Variants in MGAT4C observed in about 807,000 individuals in gnomAD.
The protein encoded by MGAT4C is MGAT4 family member C.
MGAT4C carries 19 observed loss-of-function variants against 40.1 expected under a neutral mutation model. That is an observed-to-expected ratio of 0.47 (90% CI 0.33 to 0.70). The LOEUF (loss-of-function observed/expected upper bound fraction) is 0.70, where lower values mean the gene tolerates loss of function less well. Among genes scored for constraint, MGAT4C ranks in the 30% least tolerant of loss-of-function variants. The pLI, the probability that MGAT4C is intolerant of heterozygous loss-of-function variation, is 0.02. For missense variants in MGAT4C, 491 were observed against 563.2 expected, an observed-to-expected ratio of 0.87 and a Z score of 1.30; for synonymous variants, 181 against 187.1, an observed-to-expected ratio of 0.97 and a Z score of 0.27.
intron 2 of MGAT4C, among the ~76,000 whole-genome samples, chr12:86,715,633 A>G (rs951962823): frequency 2.0e-5 from 3 of 152,134 alleles, no homozygotes; most frequent in Non-Finnish European, 2.9e-5. Flanking sequence ...AGATTTCTAC[A>G]CTTAGGCTCT....
intron 1 of MGAT4C, among the ~76,000 whole-genome samples, chr12:86,766,297 C>A (rs1302074520): frequency 1.3e-5 from 2 of 152,062 alleles, no homozygotes; most frequent in Non-Finnish European, 2.9e-5. Flanking sequence ...GTAAAGGGAT[C>A]AATTCAATAA....
intron 3 of MGAT4C, among the ~76,000 whole-genome samples, chr12:86,392,094 T>C (rs1416338675): frequency 6.6e-6 from 1 of 152,180 alleles, no homozygotes; most frequent in East Asian, 1.9e-4. Context: ...GATTACTGGG[T>C]AAACTTTACA....
At chr12:86,111,533 G>A (rs945991580) in intron 1 of MGAT4C, among the ~76,000 whole-genome samples, 1 of 151,704 alleles carries the variant, frequency 6.6e-6, no homozygotes, top group African/African-American at 2.4e-5. Flanking sequence ...TTATTTTAGA[G>A]AAAGAGATTT....
At position 86,566,118 on chromosome 12, in the gene MGAT4C, T is replaced by C. The variant is rs11834443; in HGVS notation, c.-228-130853A>G. Among the ~76,000 whole-genome samples, 462 of 152,224 alleles carry C rather than the reference T, an allele frequency of 3.0e-3. 1 individual carries two copies. Among genetic ancestry groups the C allele is most frequent in the African/African-American group, 0.011 (438 of 41,534 alleles). Reference sequence around the variant, plus strand: ...TGTCCTCACCTGAATAGACAGTTACTTCGGATTTGGGTTTGTCTATTGTGA... The same window carrying C: ...TGTCCTCACCTGAATAGACAGTTACCTCGGATTTGGGTTTGTCTATTGTGA... On this transcript the variant is annotated intron_variant, in intron 2 of 7. Transcript: ENST00000548651.
intron 1 of MGAT4C, among the ~76,000 whole-genome samples, chr12:86,059,817 C>T (rs1467191175): frequency 3.3e-5 from 5 of 152,118 alleles, no homozygotes; most frequent in African/African-American, 1.2e-4. Context: ...AGAGCAGCAG[C>T]CCCTAACACA....
Position 85,974,390 on chromosome 12 carries a change from TTCTG to T in MGAT4C, c.*4895_*4898del, listed in dbSNP as rs1883803731. 6.6e-6 allele frequency: 1 copy of T among 150,644 alleles called. No homozygotes were observed. The highest frequency in any genetic ancestry group is 2.4e-5 in the African/African-American group (1 of 41,290). 9.3% of individuals were successfully genotyped at this position (150,644 alleles called of 1,614,324 possible). On this transcript the variant is annotated 3_prime_UTR_variant, in exon 5 of 5. Coordinates refer to ENST00000611864, the MANE Select transcript of MGAT4C (RefSeq NM_001351288.2). Reference sequence around the variant, plus strand: ...AAAATAATGCAAATGGTGCATATCCTTCTGTCTTTCTCTCATACACACAGACACA... The same window carrying T: ...AAAATAATGCAAATGGTGCATATCCTTCTTTCTCTCATACACACAGACACA...
intron 1 of MGAT4C, among the ~76,000 whole-genome samples, chr12:86,229,739 G>A (rs1951238770): frequency 6.6e-6 from 1 of 151,820 alleles, no homozygotes; most frequent in South Asian, 2.1e-4. Context: ...CTTCTGTCAG[G>A]GACAGTTAGG....
intron 2 of MGAT4C, among the ~76,000 whole-genome samples, chr12:86,539,717 C>A (rs149959172): frequency 0.01 from 1,575 of 152,306 alleles, 16 homozygotes; most frequent in East Asian, 0.038. Flanking sequence ...GCCATTCTAA[C>A]TGGTGTGAGA....
intron 2 of MGAT4C, among the ~76,000 whole-genome samples, chr12:86,668,752 G>A (rs1195792121): frequency 2.0e-5 from 3 of 152,220 alleles, no homozygotes; most frequent in African/African-American, 7.2e-5. Context: ...CCTGGAGCAG[G>A]AGAAGAGCTG....
chr12:86,803,514 C>T (rs1445677497), intron 1 of MGAT4C, among the ~76,000 whole-genome samples: 1 of 151,950 alleles, frequency 6.6e-6, no homozygotes, highest in African/African-American at 2.4e-5. Flanking sequence ...CCAACCTACT[C>T]ATCTGACAAA....
intron 2 of MGAT4C, among the ~76,000 whole-genome samples, chr12:86,561,861 G>T (rs559308512): frequency 9.9e-5 from 15 of 152,178 alleles, no homozygotes; most frequent in African/African-American, 3.1e-4. Context: ...TAGTTGCTTT[G>T]GCATTTCTGG....
chr12:86,258,472 T>C (rs1952588375), upstream of MGAT4C, among the ~76,000 whole-genome samples: 1 of 152,208 alleles, frequency 6.6e-6, no homozygotes, highest in Non-Finnish European at 1.5e-5. Flanking sequence ...AATACAGCAA[T>C]ATAAAGATTG....
chr12:86,401,255 T>G (rs899502836), intron 3 of MGAT4C, among the ~76,000 whole-genome samples: 3 of 148,356 alleles, frequency 2.0e-5, no homozygotes, highest in African/African-American at 7.6e-5. Flanking sequence ...AGATAACATA[T>G]ATATATGTGT....
chr12:86,752,307 A>T (rs1951240754), intron 1 of MGAT4C, among the ~76,000 whole-genome samples: 1 of 152,012 alleles, frequency 6.6e-6, no homozygotes, highest in Admixed American at 6.6e-5. Flanking sequence ...TTAGATTAGG[A>T]ATTTTAAACA....
At chr12:86,018,916 T>C (rs1889366578) in intron 2 of MGAT4C, among the ~76,000 whole-genome samples, 1 of 152,044 alleles carries the variant, frequency 6.6e-6, no homozygotes, top group African/African-American at 2.4e-5. Context: ...GAGATGAGGA[T>C]TGGGAAGAGA....
intron 1 of MGAT4C, among the ~76,000 whole-genome samples, chr12:86,070,845 C>T (rs764475979): frequency 2.2e-4 from 34 of 151,936 alleles, no homozygotes; most frequent in Non-Finnish European, 4.4e-4. Flanking sequence ...TTTAAAAAAA[C>T]ATTTGACCAA....
intron 3 of MGAT4C, among the ~76,000 whole-genome samples, chr12:86,409,249 A>C (rs1180083989): frequency 6.6e-6 from 1 of 152,180 alleles, no homozygotes; most frequent in Non-Finnish European, 1.5e-5. Context: ...ATGTTTTAGG[A>C]ATGGTAATAG....
chr12:86,071,260 G>A (rs1868400725), intron 1 of MGAT4C, among the ~76,000 whole-genome samples: 1 of 151,960 alleles, frequency 6.6e-6, no homozygotes, highest in Non-Finnish European at 1.5e-5. Context: ...GAAAGTCAAA[G>A]TTAAAAAGGG....
chr12:86,127,568 T>A (rs1749715562), intron 1 of MGAT4C, among the ~76,000 whole-genome samples: 1 of 152,226 alleles, frequency 6.6e-6, no homozygotes, highest in African/African-American at 2.4e-5. Context: ...AACATTTTAA[T>A]TGTTTTTAAT....
Sources: allele counts gnomAD v4.1 joint callset (sites outside exome capture counted in the v4.1 genomes callset), GRCh38; gene constraint gnomAD v4.1.1; transcripts MANE v1.5; gene names NCBI Gene and HGNC (gene_info 2026-07-23, HGNC 2026-07-21).